PTCHD1: variants seen among roughly 807,000 people sequenced by gnomAD.
The protein encoded by PTCHD1 is patched domain-containing protein 1.
PTCHD1 carries 3 observed loss-of-function variants against 34.6 expected under a neutral mutation model. The observed-to-expected ratio is 0.09, with a 90% CI of 0.04 to 0.22. The LOEUF (loss-of-function observed/expected upper bound fraction) is 0.22. PTCHD1 is among the 10% of genes least tolerant of loss of function. PTCHD1 has a pLI of 1.00. For missense variants in PTCHD1, 504 were observed against 685.5 expected (o/e 0.74, Z 2.96); for synonymous variants, 305 against 283.1 (o/e 1.08, Z -0.77).
At chrX:23,360,217 G>A (rs1921935519) in intron 1 of PTCHD1, among the ~76,000 whole-genome samples, 1 of 111,824 alleles carries the variant, frequency 8.9e-6, no homozygotes, top group South Asian at 3.8e-4. Context: ...GTTTCAGAAG[G>A]AATGGTACCA....
At position 23,402,918 on chromosome X, in the gene PTCHD1, T is replaced by C. The variant is rs1180550194; in HGVS notation, c.*8733T>C. 8.9e-6 allele frequency: 1 copy of C among 112,684 alleles called. No homozygotes were observed. The highest frequency in any genetic ancestry group is 3.2e-5 in the African/African-American group (1 of 31,045). 9.3% of individuals were successfully genotyped at this position (112,684 alleles called of 1,213,427 possible). On this transcript the variant is annotated 3_prime_UTR_variant, in exon 3 of 3. Transcript: ENST00000379361. ...ACAAAATAGTGATAACTGTTCAATG[T>C]TGCTTTAACAGTCCAATTGTAGTAG... is the stretch of plus-strand genomic sequence containing the variant.
At chrX:23,354,466 T>C (rs1175471561) in intron 1 of PTCHD1, among the ~76,000 whole-genome samples, 2 of 101,197 alleles carry the variant, frequency 2.0e-5, no homozygotes, top group Non-Finnish European at 2.0e-5. Flanking sequence ...CACACAACTT[T>C]CTTGTCAATC....
intron 2 of PTCHD1, among the ~76,000 whole-genome samples, chrX:23,382,409 T>C (rs890634521): frequency 4.4e-5 from 5 of 112,829 alleles, no homozygotes; most frequent in African/African-American, 1.3e-4. Flanking sequence ...AAACTTACTT[T>C]TTTGTACTTT....
chrX:23,395,745 G>A lies in PTCHD1; in HGVS notation c.*1560G>A, dbSNP rs181737817. On this transcript the variant is annotated 3_prime_UTR_variant, in exon 3 of 3. Transcript: ENST00000379361. ...GTTACATTTGAAGCAAATATCTACA[G>A]TATTTTTCCCTTTTAGAGATGTAGC... The A allele has an allele frequency of 1.8e-5, 2 of 111,988 alleles. No homozygotes were observed. Among genetic ancestry groups the A allele is most frequent in the Admixed American group, 1.9e-4 (2 of 10,509 alleles). The allele number at this position is 111,988 out of a possible 1,213,427, so 9.2% of individuals were successfully genotyped here. A position where few individuals can be genotyped will look rare whatever the true frequency, so the allele number is the denominator to read the frequency against.
intron 1 of PTCHD1, among the ~76,000 whole-genome samples, chrX:23,350,495 T>G (rs757667499): frequency 9.0e-6 from 1 of 111,708 alleles, no homozygotes; most frequent in African/African-American, 3.2e-5. Context: ...AAGAACAAAT[T>G]TGGAGAAAAG....
At chrX:23,355,471 GCT>G (rs1225836747) in intron 1 of PTCHD1, among the ~76,000 whole-genome samples, 2 of 112,723 alleles carry the variant, frequency 1.8e-5, no homozygotes, top group Non-Finnish European at 3.7e-5. Context: ...AAGTTACAAA[GCT>G]CTCATAGCCA....
At chrX:23,339,362 A>G (rs1262684364) in intron 1 of PTCHD1, among the ~76,000 whole-genome samples, 1 of 111,817 alleles carries the variant, frequency 8.9e-6, no homozygotes. Context: ...TTGCCTTTGT[A>G]CAAAGTCCTC....
intron 1 of PTCHD1, among the ~76,000 whole-genome samples, chrX:23,349,443 T>C (rs73469303): frequency 0.11 from 12,633 of 111,451 alleles, 571 homozygotes; most frequent in African/African-American, 0.14. Flanking sequence ...TAAAGAGTCA[T>C]ACAGTTAAAA....
intron 1 of PTCHD1, among the ~76,000 whole-genome samples, chrX:23,341,609 G>A (rs756841074): frequency 7.0e-4 from 78 of 112,229 alleles, no homozygotes; most frequent in Non-Finnish European, 1.2e-3. Context: ...CTGTGTCTCC[G>A]CCACATACCC....
chrX:23,354,970 C>T (rs1365773171), intron 1 of PTCHD1, among the ~76,000 whole-genome samples: 1 of 102,599 alleles, frequency 9.7e-6, no homozygotes, highest in African/African-American at 3.6e-5. Flanking sequence ...TTGTTCCCAT[C>T]TTTCTCCAGA....
At chrX:23,339,367 G>C (rs982390108) in intron 1 of PTCHD1, among the ~76,000 whole-genome samples, 2 of 111,645 alleles carry the variant, frequency 1.8e-5, no homozygotes, top group Non-Finnish European at 3.8e-5. Context: ...TTTGTACAAA[G>C]TCCTCTTCTT....
rs1180613419 is a variant in PTCHD1 at position 23,399,560 on chromosome X, A to G, written c.*5375A>G. 6 of 112,295 alleles carry G rather than the reference A, an allele frequency of 5.3e-5. No homozygotes were observed. Among genetic ancestry groups the G allele is most frequent in the Admixed American group, 4.7e-4 (5 of 10,656 alleles). The allele number at this position is 112,295 out of a possible 1,213,427, so 9.3% of individuals were successfully genotyped here. Reference sequence around the variant, plus strand: ...GTGTCCTCATTTTGGCTAATGAGCAATCAAGAACTTTTGAACTATCTTTTC... The same window carrying G: ...GTGTCCTCATTTTGGCTAATGAGCAGTCAAGAACTTTTGAACTATCTTTTC... On this transcript the variant is annotated 3_prime_UTR_variant, in exon 3 of 3. Coordinates refer to ENST00000379361, the MANE Select transcript of PTCHD1 (RefSeq NM_173495.3).
intron 1 of PTCHD1, among the ~76,000 whole-genome samples, chrX:23,356,159 C>A (rs1825468891): frequency 8.9e-6 from 1 of 111,771 alleles, no homozygotes; most frequent in African/African-American, 3.3e-5. Flanking sequence ...CTGGTGATGC[C>A]AAGGAGATTG....
Position 23,379,896 on chromosome X carries a change from C to T in PTCHD1, c.657C>T (p.Asn219=), listed in dbSNP as rs144982584. 2.6e-3 allele frequency: 3,165 copies of T among 1,210,242 alleles called. 3 individuals carry two copies. Among genetic ancestry groups the T allele is most frequent in the Non-Finnish European group, 3.1e-3 (2,785 of 895,113 alleles). Residue 219 remains asparagine (N), a synonymous_variant, in exon 2 of 3, where the codon AAC becomes AAT. Coordinates refer to ENST00000379361, the MANE Select transcript of PTCHD1 (RefSeq NM_173495.3). Reference sequence around the variant, plus strand: ...TCACCTACTACCTGCAGTCAATCAACAGTCTCAATGACATGGTGGCTGAGA... The same window carrying T: ...TCACCTACTACCTGCAGTCAATCAATAGTCTCAATGACATGGTGGCTGAGA... The part of the protein sequence containing the change: ...IQLTYYLQSI[N]SLNDMVAERW...
intron 1 of PTCHD1, among the ~76,000 whole-genome samples, chrX:23,363,706 G>A (rs1922057208): frequency 8.9e-6 from 1 of 112,665 alleles, no homozygotes; most frequent in Admixed American, 9.4e-5. Flanking sequence ...ACCTCAGTTG[G>A]AAATGCAGAA....
chrX:23,349,751 G>C (rs1335326273), intron 1 of PTCHD1, among the ~76,000 whole-genome samples: 1 of 111,048 alleles, frequency 9.0e-6, no homozygotes, highest in Non-Finnish European at 1.9e-5. Flanking sequence ...GTCAGTAATG[G>C]ATTAAACAAA....
chrX:23,335,269 C>A, intron 1 of PTCHD1, 43 bp downstream of exon 1: 1 of 1,090,938 alleles, frequency 9.2e-7, no homozygotes, highest in East Asian at 3.0e-5. Context: ...AGCGCCGCGG[C>A]CGCGGTCGGG....
rs767744604 is a variant in PTCHD1, at chrX:23,403,283, G to A, written c.*9098G>A. ...TTTTAGTTGGGTTTCTTCACACTTA[G>A]GCAAGTGGGTGATTCTGGTCATAAT... On this transcript the variant is annotated 3_prime_UTR_variant, in exon 3 of 3. Transcript: ENST00000379361. The A allele has an allele frequency of 8.9e-6, 1 of 112,015 alleles. No individual in the cohort carries two copies. The highest frequency in any genetic ancestry group is 3.2e-5 in the African/African-American group (1 of 30,853). The allele number at this position is 112,015 out of a possible 1,213,427, so 9.2% of individuals were successfully genotyped here. A position where few individuals can be genotyped will look rare whatever the true frequency, so the allele number is the denominator to read the frequency against.
At chrX:23,338,172 GGCAACGAT>G (rs1354402360) in intron 1 of PTCHD1, among the ~76,000 whole-genome samples, 2 of 111,741 alleles carry the variant, frequency 1.8e-5, no homozygotes, top group African/African-American at 6.5e-5. Flanking sequence ...AAGGCTACAG[GGCAACGAT>G]GCATTATTAG....
Sources: allele counts gnomAD v4.1 joint callset (sites outside exome capture counted in the v4.1 genomes callset), GRCh38; gene constraint gnomAD v4.1.1; transcripts MANE v1.5; gene names NCBI Gene and HGNC (gene_info 2026-07-23, HGNC 2026-07-21).